MYT1L: variants seen among roughly 807,000 people sequenced by gnomAD.
MYT1L encodes the protein myelin transcription factor 1 like.
A neutral mutation model predicts 126.7 loss-of-function variants in MYT1L; 12 were observed. The observed-to-expected ratio is 0.09, with a 90% confidence interval of 0.06 to 0.15. The LOEUF is 0.15. MYT1L is among the 10% of genes least tolerant of loss of function. The probability of loss-of-function intolerance (pLI) is 1.00; values close to 1 mark genes in which losing one functional copy is unlikely to be tolerated. For synonymous variants in MYT1L, 541 were observed against 604.2 expected, an observed-to-expected ratio of 0.90 and a Z score of 1.53; for missense variants, 979 against 1,585.2, an observed-to-expected ratio of 0.62 and a Z score of 6.49.
intron 1 of MYT1L, among the ~76,000 whole-genome samples, chr2:2,300,936 G>C (rs2095772744): frequency 6.6e-6 from 1 of 152,148 alleles, no homozygotes; most frequent in Non-Finnish European, 1.5e-5. Flanking sequence ...TCTCCTGCAG[G>C]AGCTACTGGT....
chr2:2,267,018 G>A (rs1017336288), intron 2 of MYT1L, among the ~76,000 whole-genome samples: 1 of 152,236 alleles, frequency 6.6e-6, no homozygotes, highest in African/African-American at 2.4e-5. Context: ...TACGTGGAGA[G>A]TGCTTCAGCA....
chr2:2,236,111 TCCCAA>T (rs2094293530), intron 2 of MYT1L, among the ~76,000 whole-genome samples: 1 of 149,402 alleles, frequency 6.7e-6, no homozygotes, highest in East Asian at 2.0e-4. Context: ...ACCCAGTACA[TCCCAA>T]CCCAACCCAG....
Position 1,801,858 on chromosome 2 carries a change from A to C in MYT1L, c.3173-59T>G, listed in dbSNP as rs1391806390. Reference sequence around the variant, plus strand: ...TATATACAAAAATATTAGAGTTAGAATTTTGGGAGCTTTCTTTGTTCCTTT... The same window carrying C: ...TATATACAAAAATATTAGAGTTAGACTTTTGGGAGCTTTCTTTGTTCCTTT... On this transcript the variant is annotated intron_variant, in intron 22 of 24. Coordinates refer to ENST00000647738, the MANE Select transcript of MYT1L (RefSeq NM_001303052.2). This position sits in a 1 kb window ranked among gnomAD's most constrained non-coding sequence, Gnocchi z 4.2. 1 of 1,083,264 alleles carries C rather than the reference A, an allele frequency of 9.2e-7. No homozygotes were observed. The highest frequency in any genetic ancestry group is 2.6e-5 in the East Asian group (1 of 38,550). The allele number at this position is 1,083,264 out of a possible 1,614,324, so 67.1% of individuals were successfully genotyped here.
intron 2 of MYT1L, among the ~76,000 whole-genome samples, chr2:2,237,762 C>T (rs1164419225): frequency 2.0e-5 from 3 of 152,158 alleles, no homozygotes; most frequent in African/African-American, 7.2e-5. Context: ...TAAGTCATTG[C>T]TCAGGGTCAC....
Position 2,134,606 on chromosome 2 carries a change from C to G in MYT1L, c.-304+38266G>C, listed in dbSNP as rs2082799924. Among the ~76,000 whole-genome samples the G allele has an allele frequency of 7.9e-5, 12 of 152,142 alleles. No homozygotes were observed. In the South Asian group the frequency reaches 2.5e-3, roughly 32 times the overall value. ...GCCCTGGTAAGAAGAGAAAGAGAGA[C>G]CAGAGCTCTCTCTCTACCACATGAG... On this transcript the variant is annotated intron_variant, in intron 3 of 24. Coordinates refer to ENST00000647738, the MANE Select transcript of MYT1L (RefSeq NM_001303052.2).
intron 3 of MYT1L, among the ~76,000 whole-genome samples, chr2:2,091,216 A>G (rs1210972292): frequency 6.6e-6 from 1 of 152,252 alleles, no homozygotes; most frequent in Non-Finnish European, 1.5e-5. Flanking sequence ...TTCTTAAATA[A>G]TAAGACTTGA....
At chr2:2,113,950 T>C (rs62116726) in intron 3 of MYT1L, among the ~76,000 whole-genome samples, 3,456 of 151,178 alleles carry the variant, frequency 0.023, 65 homozygotes, top group Middle Eastern at 0.038. Flanking sequence ...ATTACACAGA[T>C]AGGAAAATAG....
intron 3 of MYT1L, among the ~76,000 whole-genome samples, chr2:2,087,216 G>A (rs950014149): frequency 6.6e-6 from 1 of 152,162 alleles, no homozygotes; most frequent in East Asian, 1.9e-4. Context: ...ACAGGTAGAG[G>A]CCAGGTACTA....
chr2:2,294,254 C>CTGAGGGGAGCCCTGTGG (rs957980578), intron 1 of MYT1L, among the ~76,000 whole-genome samples: 1 of 152,204 alleles, frequency 6.6e-6, no homozygotes, highest in African/African-American at 2.4e-5. Context: ...AACTGGCCAT[C>CTGAGGGGAGCCCTGTGG]TGAGGGGAGC....
chr2:1,877,482 C>T (rs866687755), intron 18 of MYT1L, among the ~76,000 whole-genome samples: 2 of 152,118 alleles, frequency 1.3e-5, no homozygotes, highest in Non-Finnish European at 1.5e-5. Flanking sequence ...CTTCCTTGCT[C>T]GACTGATATT....
chr2:2,134,654 C>G (rs528855561), intron 3 of MYT1L, among the ~76,000 whole-genome samples: 1 of 152,198 alleles, frequency 6.6e-6, no homozygotes, highest in Non-Finnish European at 1.5e-5. Flanking sequence ...AAGTGACTGT[C>G]TGCAAGCCAG....
Position 1,945,232 on chromosome 2 carries a change from G to A in MYT1L, c.153-1898C>T, listed in dbSNP as rs149789746. ...TGACCCAGGAAACAGGGAGTGATAC[G>A]AGTTCTTTCAAGCACTCAATAATGC... On this transcript the variant is annotated intron_variant, in intron 8 of 24. Coordinates refer to ENST00000647738, the MANE Select transcript of MYT1L (RefSeq NM_001303052.2). Among the ~76,000 whole-genome samples, 11 of 152,296 alleles carry A rather than the reference G, an allele frequency of 7.2e-5. 1 individual carries two copies. Among genetic ancestry groups the A allele is most frequent in the African/African-American group, 2.6e-4 (11 of 41,558 alleles).
At chr2:2,088,624 T>G (rs566312723) in intron 3 of MYT1L, among the ~76,000 whole-genome samples, 1 of 150,714 alleles carries the variant, frequency 6.6e-6, no homozygotes, top group South Asian at 2.1e-4. Context: ...AGGGGTTGAT[T>G]TACTGGAAAA....
chr2:2,234,568 A>C (rs1424933183), intron 2 of MYT1L, among the ~76,000 whole-genome samples: 9 of 152,204 alleles, frequency 5.9e-5, no homozygotes, highest in Admixed American at 5.9e-4. Flanking sequence ...CCTGCAGCTC[A>C]AGTTGGCAAC....
At chr2:2,131,736 T>C (rs999726296) in intron 3 of MYT1L, among the ~76,000 whole-genome samples, 3 of 151,958 alleles carry the variant, frequency 2.0e-5, no homozygotes, top group Non-Finnish European at 2.9e-5. Flanking sequence ...CCGTGAGGTT[T>C]TGGTGCTTCT....
intron 21 of MYT1L, among the ~76,000 whole-genome samples, chr2:1,830,703 A>C (rs1468124623): frequency 1.3e-5 from 2 of 152,176 alleles, no homozygotes; most frequent in African/African-American, 4.8e-5. Flanking sequence ...ATGCTCCCAG[A>C]GACAGGAGGA....
rs559988673 is a variant in MYT1L at position 1,818,649 on chromosome 2, C to G, written c.3081-9482G>C. Among the ~76,000 whole-genome samples, 3 of 152,220 alleles carry G rather than the reference C, an allele frequency of 2.0e-5. No individual in the cohort carries two copies. In the East Asian group the frequency reaches 5.8e-4, roughly 29 times the overall value. ...TTTGCCCCGGTCGCCACGAGAGCAGCTCTCCTGTGGTTCGCTTCCCGGACT... is the reference window on the plus strand; with the variant it reads ...TTTGCCCCGGTCGCCACGAGAGCAGGTCTCCTGTGGTTCGCTTCCCGGACT... On this transcript the variant is annotated intron_variant, in intron 21 of 24. Coordinates refer to ENST00000647738, the MANE Select transcript of MYT1L (RefSeq NM_001303052.2).
chr2:2,094,886 C>T (rs1381049890), intron 3 of MYT1L, among the ~76,000 whole-genome samples: 6 of 152,044 alleles, frequency 3.9e-5, no homozygotes, highest in African/African-American at 1.2e-4. Context: ...CTAACCTGCA[C>T]GTTGTGCACA....
intron 1 of MYT1L, among the ~76,000 whole-genome samples, chr2:2,292,329 T>C (rs1317691443): frequency 6.6e-6 from 1 of 152,194 alleles, no homozygotes; most frequent in Non-Finnish European, 1.5e-5. Flanking sequence ...GCAATTCTAT[T>C]CCCAAACGTT....
Sources: gnomAD v4.1 joint callset for allele counts (sites outside exome capture counted in the v4.1 genomes callset) on GRCh38, gnomAD v4.1.1 for gene constraint, Gnocchi (gnomAD v3.1) non-coding constraint, MANE v1.5 for transcripts, NCBI Gene and HGNC (gene_info 2026-07-23, HGNC 2026-07-21) for gene names.